NRG3: variants seen among roughly 807,000 people sequenced by gnomAD.
NRG3 encodes the protein neuregulin 3, also known as pro-neuregulin-3, membrane-bound isoform.
NRG3 carries 31 observed loss-of-function variants against 66.9 expected under a neutral mutation model. The ratio of observed to expected loss-of-function variants is 0.46; its 90% CI spans 0.35 to 0.63. The LOEUF (loss-of-function observed/expected upper bound fraction) is 0.63, where lower values mean the gene tolerates loss of function less well. Ranked by LOEUF, NRG3 falls within the 20% of genes least tolerant of loss-of-function variation. The probability of loss-of-function intolerance (pLI) is 0.00; values close to 1 mark genes in which losing one functional copy is unlikely to be tolerated. For missense variants in NRG3, 910 were observed against 878.9 expected, an observed-to-expected ratio of 1.04 and a Z score of -0.45; for synonymous variants, 393 against 359.4, an observed-to-expected ratio of 1.09 and a Z score of -1.06.
In NRG3 at chr10:82,232,884, C is replaced by G. The variant is rs2076555976; in HGVS notation, c.824-125855C>G. 8.4e-6 allele frequency: 6 copies of G among 713,086 alleles called. No individual in the cohort carries two copies. The East Asian group carries it at 1.3e-4, about 16-fold the overall frequency. 44.2% of individuals were successfully genotyped at this position (713,086 alleles called of 1,614,324 possible). The stretch of plus-strand genomic sequence containing the variant: ...GAAGGGTAAGGCAGGATAGGATGAA[C>G]AGTTTAGGACTACTTTGAATAATTT... On this transcript the variant is annotated intron_variant, in intron 1 of 8. Coordinates refer to ENST00000372141, the MANE Select transcript of NRG3 (RefSeq NM_001010848.4).
chr10:82,061,872 A>C (rs73318371), intron 1 of NRG3, among the ~76,000 whole-genome samples: 85 of 127,674 alleles, frequency 6.7e-4, no homozygotes, highest in Admixed American at 1.1e-3. Context: ...CACACACACA[A>C]ACACACACAC....
chr10:82,001,241 G>A (rs1021178525), intron 1 of NRG3, among the ~76,000 whole-genome samples: 6 of 151,102 alleles, frequency 4.0e-5, no homozygotes, highest in African/African-American at 1.5e-4. Flanking sequence ...GGTGGCTCAC[G>A]CCTGCAATCC....
chr10:82,617,750 G>C (rs568657179), intron 2 of NRG3, among the ~76,000 whole-genome samples: 1 of 152,322 alleles, frequency 6.6e-6, no homozygotes, highest in East Asian at 1.9e-4. Context: ...GCCACGGCCA[G>C]TTGGCATGGA....
intron 1 of NRG3, among the ~76,000 whole-genome samples, chr10:82,107,681 C>A (rs2067150403): frequency 1.3e-5 from 2 of 152,274 alleles, no homozygotes; most frequent in East Asian, 1.9e-4. Context: ...ACTATTGTTG[C>A]ACGGGGCTAG....
chr10:82,570,978 G>A (rs555658999), intron 2 of NRG3, among the ~76,000 whole-genome samples: 2 of 151,372 alleles, frequency 1.3e-5, no homozygotes, highest in South Asian at 4.2e-4. Context: ...CCTTTTCTGT[G>A]CTTTTAGATA....
intron 1 of NRG3, among the ~76,000 whole-genome samples, chr10:82,213,775 C>T (rs1238409393): frequency 6.6e-6 from 1 of 152,194 alleles, no homozygotes; most frequent in African/African-American, 2.4e-5. Flanking sequence ...TACTATGTCA[C>T]ATATGCTATT....
chr10:82,397,602 G>T (rs958565917), intron 2 of NRG3, among the ~76,000 whole-genome samples: 12 of 152,060 alleles, frequency 7.9e-5, no homozygotes, highest in African/African-American at 2.7e-4. Context: ...AAAAGCCACT[G>T]GCCAGCTTCT....
chr10:82,312,620 T>C lies in NRG3; in HGVS notation c.824-46119T>C, dbSNP rs187885376. 5.9e-5 allele frequency among the ~76,000 whole-genome samples: 9 copies of C among 152,358 alleles called. No homozygotes were observed. The East Asian group carries it at 1.7e-3, about 29-fold the overall frequency. On this transcript the variant is annotated intron_variant, in intron 1 of 8. Transcript: ENST00000372141. The stretch of plus-strand genomic sequence containing the variant: ...TCTTTCCTTAGATTTGTTTTGATTT[T>C]GTACTTGGATTAGGGGGTATTGCAA...
chr10:82,211,360 A>C (rs2075383909), intron 1 of NRG3, among the ~76,000 whole-genome samples: 2 of 152,166 alleles, frequency 1.3e-5, no homozygotes, highest in African/African-American at 4.8e-5. Flanking sequence ...TTAAAGAGTT[A>C]AAGAAACTTC....
chr10:82,288,956 G>T (rs549798021), intron 1 of NRG3, among the ~76,000 whole-genome samples: 1 of 152,218 alleles, frequency 6.6e-6, no homozygotes, highest in East Asian at 1.9e-4. Flanking sequence ...GCTGGACTTG[G>T]GCACCTCTTC....
chr10:82,704,870 T>C (rs1015009944), intron 2 of NRG3, among the ~76,000 whole-genome samples: 64 of 152,218 alleles, frequency 4.2e-4, no homozygotes, highest in Non-Finnish European at 2.6e-4. Context: ...TTCAATTTTA[T>C]AGTTGTTTAA....
At chr10:82,214,905 G>T (rs2075585539) in intron 1 of NRG3, among the ~76,000 whole-genome samples, 2 of 152,160 alleles carry the variant, frequency 1.3e-5, no homozygotes, top group Admixed American at 1.3e-4. Context: ...TAGACTTTCT[G>T]TTTTTTCCAG....
chr10:81,980,465 A>G (rs17647803), intron 1 of NRG3, among the ~76,000 whole-genome samples: 8,475 of 152,272 alleles, frequency 0.056, 269 homozygotes, highest in African/African-American at 0.076. Flanking sequence ...TGATTTACCA[A>G]CTACTTCCAA....
intron 3 of NRG3, among the ~76,000 whole-genome samples, chr10:82,836,529 C>A (rs2062785112): frequency 6.6e-6 from 1 of 152,124 alleles, no homozygotes; most frequent in Non-Finnish European, 1.5e-5. Flanking sequence ...GCAGAAAAAA[C>A]TTCAATAACT....
intron 1 of NRG3, among the ~76,000 whole-genome samples, chr10:82,050,641 T>G (rs970067067): frequency 6.6e-6 from 1 of 152,010 alleles, no homozygotes; most frequent in Non-Finnish European, 1.5e-5. Context: ...GAGTGTAAAT[T>G]TTGCCTCTTT....
At chr10:81,963,925 T>C in intron 1 of NRG3, among the ~76,000 whole-genome samples, 1 of 152,254 alleles carries the variant, frequency 6.6e-6, no homozygotes. Context: ...AATCACTGTT[T>C]CATCTGTGTT....
At chr10:82,625,363 C>G (rs994212856) in intron 2 of NRG3, among the ~76,000 whole-genome samples, 1 of 151,796 alleles carries the variant, frequency 6.6e-6, no homozygotes, top group Non-Finnish European at 1.5e-5. Flanking sequence ...CTTCTATTAT[C>G]CAGAATTTAA....
chr10:82,261,980 C>T (rs1233459294), intron 1 of NRG3, among the ~76,000 whole-genome samples: 1 of 152,164 alleles, frequency 6.6e-6, no homozygotes, highest in Non-Finnish European at 1.5e-5. Context: ...CCTTCTTTCT[C>T]TTACTCCTGC....
chr10:82,640,240 C>G (rs757104304), intron 2 of NRG3, among the ~76,000 whole-genome samples: 1 of 152,094 alleles, frequency 6.6e-6, no homozygotes, highest in Non-Finnish European at 1.5e-5. Context: ...TTCACAATAG[C>G]AAAGACATAG....
Sources: allele counts gnomAD v4.1 joint callset (sites outside exome capture counted in the v4.1 genomes callset), GRCh38; gene constraint gnomAD v4.1.1; transcripts MANE v1.5; gene names NCBI Gene and HGNC (gene_info 2026-07-23, HGNC 2026-07-21).